The following LRMDA variants were observed in gnomAD, a reference collection of about 807,000 sequenced individuals.
LRMDA encodes the protein leucine-rich melanocyte differentiation-associated protein.
A neutral mutation model predicts 29.8 loss-of-function variants in LRMDA; 18 were observed. That is an observed-to-expected ratio of 0.60 (90% confidence interval 0.42 to 0.90). The LOEUF is 0.90. Among genes scored for constraint, LRMDA ranks in the 40% least tolerant of loss-of-function variants. The pLI is 0.00. For missense variants in LRMDA, 273 were observed against 273.9 expected, an observed-to-expected ratio of 1.00 and a Z score of 0.02; for synonymous variants, 125 against 109.4, an observed-to-expected ratio of 1.14 and a Z score of -0.89.
At chr10:75,937,267 C>A (rs1846311857) in intron 2 of LRMDA, among the ~76,000 whole-genome samples, 1 of 152,130 alleles carries the variant, frequency 6.6e-6, no homozygotes, top group Non-Finnish European at 1.5e-5. Context: ...GGAAAAGCTC[C>A]ACCCTAAATG....
chr10:75,887,464 A>G (rs1268125926), intron 2 of LRMDA, among the ~76,000 whole-genome samples: 3 of 152,082 alleles, frequency 2.0e-5, no homozygotes, highest in Non-Finnish European at 4.4e-5. Context: ...CCCGAACATC[A>G]TCTCTGTCTT....
intron 2 of LRMDA, among the ~76,000 whole-genome samples, chr10:75,586,788 A>C (rs563530362): frequency 6.7e-6 from 1 of 149,244 alleles, no homozygotes; most frequent in South Asian, 2.2e-4. Context: ...TGTCTATTCA[A>C]GTTCTTAGTC....
At chr10:75,626,195 A>G (rs1841248027) in intron 2 of LRMDA, among the ~76,000 whole-genome samples, 1 of 151,684 alleles carries the variant, frequency 6.6e-6, no homozygotes, top group Non-Finnish European at 1.5e-5. Flanking sequence ...CTCACCACCT[A>G]CCCGTGGCAC....
At chr10:75,562,658 T>C (rs4562749) in intron 2 of LRMDA, among the ~76,000 whole-genome samples, 93,120 of 151,922 alleles carry the variant, frequency 0.61, 31,572 homozygotes, top group East Asian at 0.85. Context: ...GATTTTGCAG[T>C]GGCTGGTACC....
chr10:76,493,021 C>T (rs977074101), intron 6 of LRMDA, among the ~76,000 whole-genome samples: 3 of 152,034 alleles, frequency 2.0e-5, no homozygotes, highest in African/African-American at 2.4e-5. Context: ...GTAACCACTA[C>T]CTGGTTACCA....
intron 2 of LRMDA, among the ~76,000 whole-genome samples, chr10:75,441,977 A>G (rs1844331198): frequency 2.0e-5 from 3 of 152,222 alleles, no homozygotes; most frequent in African/African-American, 7.2e-5. Context: ...AGAAGGAGCA[A>G]ATATGCAGTG....
In LRMDA at chr10:76,291,912, G is replaced by GCACA. The variant is rs72580570; in HGVS notation, c.517-32475_517-32472dup. Among the ~76,000 whole-genome samples the GCACA allele has an allele frequency of 5.7e-4, 77 of 134,970 alleles. 1 individual carries two copies. The highest frequency in any genetic ancestry group is 2.1e-3 in the African/African-American group (68 of 33,100). The allele number at this position is 134,970 out of a possible 152,430, so 88.5% of individuals were successfully genotyped here. On this transcript the variant is annotated intron_variant, in intron 5 of 6. Transcript: ENST00000611255. ...ACAGATTATATATACACCCACACGT[G>GCACA]CACACACACACACACACGTGCACAC...
chr10:76,070,027 A>T (rs183784702), intron 5 of LRMDA, among the ~76,000 whole-genome samples: 4 of 152,222 alleles, frequency 2.6e-5, no homozygotes, highest in Admixed American at 6.5e-5. Context: ...CTGGACTTCT[A>T]CCTCCTGTTA....
chr10:76,048,728 G>A (rs1277801182), intron 4 of LRMDA, among the ~76,000 whole-genome samples: 1 of 152,162 alleles, frequency 6.6e-6, no homozygotes, highest in African/African-American at 2.4e-5. Context: ...GAGACACTCA[G>A]CTCCCAACAA....
chr10:76,116,176 G>A (rs919839148), intron 5 of LRMDA, among the ~76,000 whole-genome samples: 1 of 152,072 alleles, frequency 6.6e-6, no homozygotes, highest in African/African-American at 2.4e-5. Context: ...CTCTGCTGGG[G>A]GATTAAGTAT....
chr10:76,004,949 G>C (rs1589284879), intron 2 of LRMDA, among the ~76,000 whole-genome samples: 1 of 151,958 alleles, frequency 6.6e-6, no homozygotes, highest in Non-Finnish European at 1.5e-5. Flanking sequence ...GGATGGTCTC[G>C]ATCTCCTGAC....
intron 2 of LRMDA, among the ~76,000 whole-genome samples, chr10:75,650,852 G>A (rs772929614): frequency 2.0e-5 from 3 of 152,040 alleles, no homozygotes; most frequent in African/African-American, 4.8e-5. Context: ...GTGAGGATGC[G>A]GTCAAAGGAT....
chr10:76,538,565 C>A (rs896410828), intron 6 of LRMDA, among the ~76,000 whole-genome samples: 1 of 146,428 alleles, frequency 6.8e-6, no homozygotes, highest in Non-Finnish European at 1.5e-5. Flanking sequence ...TACACACACA[C>A]ACACACACAT....
intron 2 of LRMDA, among the ~76,000 whole-genome samples, chr10:75,683,405 T>C (rs1330324612): frequency 6.6e-6 from 1 of 152,126 alleles, no homozygotes. Context: ...GTATTTCAAG[T>C]TGGTTTTTAT....
At chr10:76,465,599 C>G (rs898348060) in intron 6 of LRMDA, among the ~76,000 whole-genome samples, 10 of 152,174 alleles carry the variant, frequency 6.6e-5, no homozygotes, top group Middle Eastern at 3.2e-3. Flanking sequence ...TACGACCACT[C>G]CTGGACACTA....
intron 6 of LRMDA, among the ~76,000 whole-genome samples, chr10:76,473,582 G>A (rs1349074796): frequency 6.7e-6 from 1 of 150,176 alleles, no homozygotes; most frequent in East Asian, 2.0e-4. Context: ...GTATTTACTT[G>A]CAGATCTTGT....
intron 6 of LRMDA, among the ~76,000 whole-genome samples, chr10:76,437,111 A>T (rs1305179228): frequency 6.6e-6 from 1 of 152,230 alleles, no homozygotes; most frequent in Non-Finnish European, 1.5e-5. Flanking sequence ...ATAGTCTAAA[A>T]AAATAAATAA....
intron 6 of LRMDA, among the ~76,000 whole-genome samples, chr10:76,330,753 T>A (rs1840894840): frequency 6.6e-6 from 1 of 152,226 alleles, no homozygotes; most frequent in Non-Finnish European, 1.5e-5. Flanking sequence ...TCAGAGGCAG[T>A]ATGTCTCTTT....
chr10:76,206,896 G>C (rs773662897), intron 5 of LRMDA, among the ~76,000 whole-genome samples: 1 of 152,196 alleles, frequency 6.6e-6, no homozygotes, highest in East Asian at 1.9e-4. Flanking sequence ...CCATTTGTCC[G>C]GGGCTTGCTA....
Sources: allele counts gnomAD v4.1 joint callset (sites outside exome capture counted in the v4.1 genomes callset), GRCh38; gene constraint gnomAD v4.1.1; transcripts MANE v1.5; gene names NCBI Gene and HGNC (gene_info 2026-07-23, HGNC 2026-07-21).